Variants in LARGE1 observed in about 807,000 individuals in gnomAD.
The protein encoded by LARGE1 is xylosyl- and glucuronyltransferase LARGE1.
A neutral mutation model predicts 87.6 loss-of-function variants in LARGE1; 43 were observed. The ratio of observed to expected loss-of-function variants is 0.49; its 90% confidence interval spans 0.38 to 0.63. The LOEUF (loss-of-function observed/expected upper bound fraction) is 0.63. Ranked by LOEUF, LARGE1 falls within the 30% of genes least tolerant of loss-of-function variation. The pLI is 0.00. For synonymous variants in LARGE1, 434 were observed against 394.6 expected, an observed-to-expected ratio of 1.10 and a Z score of -1.18; for missense variants, 802 against 1,000.2, an observed-to-expected ratio of 0.80 and a Z score of 2.67.
chr22:33,420,015 G>A (rs2066637439), intron 7 of LARGE1, among the ~76,000 whole-genome samples: 1 of 152,022 alleles, frequency 6.6e-6, no homozygotes, highest in Non-Finnish European at 1.5e-5. Flanking sequence ...TTGTTATGGG[G>A]GGACTGTCTG....
intron 12 of LARGE1, among the ~76,000 whole-genome samples, chr22:33,300,528 A>G (rs1284843558): frequency 6.6e-6 from 1 of 152,184 alleles, no homozygotes; most frequent in Non-Finnish European, 1.5e-5. Flanking sequence ...GGCATGTTCC[A>G]CAATGCTCAG....
At chr22:33,219,104 C>A (rs745534070) in intron 11 of LARGE1, among the ~76,000 whole-genome samples, 5 of 152,180 alleles carry the variant, frequency 3.3e-5, no homozygotes, top group Non-Finnish European at 7.3e-5. Flanking sequence ...GGAAGCACCA[C>A]CTACATGAGA....
chr22:33,478,871 A>G (rs2069190045), intron 6 of LARGE1, among the ~76,000 whole-genome samples: 1 of 152,194 alleles, frequency 6.6e-6, no homozygotes, highest in Non-Finnish European at 1.5e-5. Flanking sequence ...TATCTTCTCC[A>G]GTGGACAGAT....
chr22:33,324,822 G>A (rs1016793701), intron 10 of LARGE1, among the ~76,000 whole-genome samples: 1 of 152,200 alleles, frequency 6.6e-6, no homozygotes, highest in Non-Finnish European at 1.5e-5. Context: ...TTTTCTATGC[G>A]ACCTTGAGCA....
At chr22:33,551,108 G>T (rs952856854) in intron 6 of LARGE1, among the ~76,000 whole-genome samples, 2 of 152,224 alleles carry the variant, frequency 1.3e-5, no homozygotes, top group South Asian at 4.2e-4. Flanking sequence ...TGCATTATTC[G>T]TATAATAGAT....
intron 9 of LARGE1, among the ~76,000 whole-genome samples, chr22:33,340,940 T>G (rs371511531): frequency 6.6e-6 from 1 of 151,826 alleles, no homozygotes; most frequent in African/African-American, 2.4e-5. Flanking sequence ...TTCTGTTTCA[T>G]GCTTTGTCTG....
chr22:33,874,744 G>A (rs1002826331), intron 1 of LARGE1, among the ~76,000 whole-genome samples: 3 of 152,068 alleles, frequency 2.0e-5, no homozygotes, highest in East Asian at 1.9e-4. Flanking sequence ...TCTGTGCCTC[G>A]GTTTCCTTGT....
chr22:33,196,000 C>T (rs1381499055), intron 11 of LARGE1, among the ~76,000 whole-genome samples: 10 of 151,070 alleles, frequency 6.6e-5, no homozygotes, highest in Non-Finnish European at 1.3e-4. Flanking sequence ...CCTCGTGGTC[C>T]GCCCGTCTCA....
chr22:33,658,753 T>A (rs915654638), intron 2 of LARGE1, among the ~76,000 whole-genome samples: 3 of 152,196 alleles, frequency 2.0e-5, no homozygotes, highest in African/African-American at 7.2e-5. Flanking sequence ...AACATATGTG[T>A]GCATGTATCT....
chr22:33,758,479 C>A (rs898281294), intron 2 of LARGE1, among the ~76,000 whole-genome samples: 7 of 152,192 alleles, frequency 4.6e-5, no homozygotes, highest in Admixed American at 1.3e-4. Flanking sequence ...CCACATCACC[C>A]AGCCCCTACT....
chr22:33,074,015 TC>T, the LARGE1 span, among the ~76,000 whole-genome samples: 1 of 152,148 alleles, frequency 6.6e-6, no homozygotes, highest in African/African-American at 2.4e-5. Flanking sequence ...CTTAAACTCA[TC>T]CGGGCTTATT....
intron 7 of LARGE1, among the ~76,000 whole-genome samples, chr22:33,406,519 C>T (rs576091932): frequency 3.9e-5 from 6 of 152,232 alleles, no homozygotes; most frequent in Admixed American, 3.3e-4. Flanking sequence ...AACGCACACA[C>T]CCTCACTGTT....
At chr22:33,910,592 C>T (rs924147542) in intron 1 of LARGE1, among the ~76,000 whole-genome samples, 1 of 152,160 alleles carries the variant, frequency 6.6e-6, no homozygotes, top group Non-Finnish European at 1.5e-5. Context: ...CCTGAATGGA[C>T]GATGAGTAAC....
chr22:33,851,767 A>T (rs1326337975), intron 1 of LARGE1, among the ~76,000 whole-genome samples: 1 of 152,220 alleles, frequency 6.6e-6, no homozygotes, highest in Non-Finnish European at 1.5e-5. Context: ...TTTTGCTCTG[A>T]ATTGGGTGCT....
intron 2 of LARGE1, among the ~76,000 whole-genome samples, chr22:33,674,151 C>A (rs2081497933): frequency 6.6e-6 from 1 of 151,922 alleles, no homozygotes; most frequent in Non-Finnish European, 1.5e-5. Flanking sequence ...GCCATGTTGG[C>A]CATACTGGTC....
At chr22:33,653,952 G>A (rs73170504) in intron 2 of LARGE1, among the ~76,000 whole-genome samples, 3,577 of 152,146 alleles carry the variant, frequency 0.024, 53 homozygotes, top group Non-Finnish European at 0.036. Flanking sequence ...CAAAGAGGCC[G>A]GGTCACATTC....
chr22:33,416,556 G>A lies in LARGE1; in HGVS notation c.892+15605C>T, dbSNP rs903238036. On this transcript the variant is annotated intron_variant, in intron 7 of 14. Transcript: ENST00000397394. ...ATCTAGTGTTTTGTGTGTTTTTTTT[G>A]GGGGGCGGGGGAGGCAATGGTGGTG... Among the ~76,000 whole-genome samples, 3 of 151,874 alleles carry A rather than the reference G, an allele frequency of 2.0e-5. No individual in the cohort carries two copies. In the East Asian group the frequency reaches 5.8e-4, roughly 29 times the overall value.
chr22:33,492,375 G>T (rs2069890571), intron 6 of LARGE1, among the ~76,000 whole-genome samples: 1 of 152,170 alleles, frequency 6.6e-6, no homozygotes, highest in Non-Finnish European at 1.5e-5. Flanking sequence ...TCAAGTGAAG[G>T]CAAAGGAGTG....
At chr22:33,702,191 C>T (rs879823463) in intron 2 of LARGE1, among the ~76,000 whole-genome samples, 1 of 152,206 alleles carries the variant, frequency 6.6e-6, no homozygotes, top group Non-Finnish European at 1.5e-5. Context: ...ATATGAATTA[C>T]ATGCACTAAG....
Sources: allele counts gnomAD v4.1 joint callset (sites outside exome capture counted in the v4.1 genomes callset), GRCh38; gene constraint gnomAD v4.1.1; transcripts MANE v1.5; gene names NCBI Gene and HGNC (gene_info 2026-07-23, HGNC 2026-07-21).